NRXN1: variants seen among roughly 807,000 people sequenced by gnomAD.
The protein encoded by NRXN1 is neurexin-1.
A neutral mutation model predicts 150.9 loss-of-function variants in NRXN1; 39 were observed. The ratio of observed to expected loss-of-function variants is 0.26; its 90% CI spans 0.20 to 0.34. The LOEUF is 0.34. Among genes scored for constraint, NRXN1 ranks in the 10% least tolerant of loss-of-function variants. NRXN1 has a pLI of 1.00. For synonymous variants in NRXN1, 924 were observed against 757.0 expected (o/e 1.22, Z -3.62); for missense variants, 1,815 against 1,949.9 (o/e 0.93, Z 1.30).
chr2:50,220,015 A>ATTTATATATAT (rs2063763366), intron 18 of NRXN1, among the ~76,000 whole-genome samples: 1 of 114,486 alleles, frequency 8.7e-6, no homozygotes, highest in African/African-American at 3.5e-5. Flanking sequence ...ATAATATATT[A>ATTTATATATAT]TATATATATA....
chr2:50,588,031 T>C (rs1006416827), intron 8 of NRXN1, among the ~76,000 whole-genome samples: 5 of 152,318 alleles, frequency 3.3e-5, no homozygotes, highest in Admixed American at 3.3e-4. Context: ...AGGCATTTTA[T>C]CTGTTAGCTA....
chr2:50,557,079 T>C (rs998012475), intron 8 of NRXN1, among the ~76,000 whole-genome samples: 1 of 152,196 alleles, frequency 6.6e-6, no homozygotes, highest in Non-Finnish European at 1.5e-5. Context: ...GAGTGTTCAC[T>C]GCATCTTCTC....
chr2:50,859,173 A>T (rs1675722191), intron 5 of NRXN1, among the ~76,000 whole-genome samples: 1 of 151,780 alleles, frequency 6.6e-6, no homozygotes, highest in Admixed American at 6.6e-5. Context: ...GGCTTGTCTC[A>T]CAAGTGCAAT....
intron 17 of NRXN1, among the ~76,000 whole-genome samples, chr2:50,399,777 C>A: frequency 1.2e-5 from 1 of 83,956 alleles, no homozygotes; most frequent in African/African-American, 4.4e-5. Flanking sequence ...AGCTCTGTAA[C>A]GAGAGAACTG....
At chr2:50,508,196 A>G (rs1206766627) in intron 12 of NRXN1, among the ~76,000 whole-genome samples, 3 of 152,194 alleles carry the variant, frequency 2.0e-5, no homozygotes, top group Non-Finnish European at 2.9e-5. Context: ...GAAATGAGCC[A>G]GTGATATGAG....
chr2:50,147,824 C>T (rs543487800), intron 18 of NRXN1, among the ~76,000 whole-genome samples: 1 of 151,690 alleles, frequency 6.6e-6, no homozygotes, highest in Non-Finnish European at 1.5e-5. Flanking sequence ...AGCTAGAAAT[C>T]CCATGGTGTC....
intron 8 of NRXN1, 88 bp from the exon 9 acceptor site, chr2:50,553,113 C>A: frequency 1.1e-6 from 1 of 890,904 alleles, no homozygotes; most frequent in Non-Finnish European, 1.7e-6. Context: ...TCAACGACAT[C>A]ATAAAAAGGC....
chr2:50,557,629 T>C (rs1035532902), intron 8 of NRXN1, among the ~76,000 whole-genome samples: 5 of 152,220 alleles, frequency 3.3e-5, no homozygotes, highest in African/African-American at 9.7e-5. Flanking sequence ...TTAAGGTTAC[T>C]GTAAATAATA....
chr2:49,925,151 G>A (rs1265382644), intron 22 of NRXN1, among the ~76,000 whole-genome samples: 5 of 151,918 alleles, frequency 3.3e-5, no homozygotes, highest in Admixed American at 3.3e-4. Flanking sequence ...ATGGTGGCAT[G>A]CACCTGTAGT....
intron 17 of NRXN1, among the ~76,000 whole-genome samples, chr2:50,462,751 A>G (rs1403718928): frequency 1.3e-5 from 2 of 151,824 alleles, no homozygotes; most frequent in African/African-American, 4.8e-5. Context: ...TTTCAGTTCA[A>G]TTAATTAGTA....
chr2:50,160,027 T>A, intron 18 of NRXN1, among the ~76,000 whole-genome samples: 1 of 152,148 alleles, frequency 6.6e-6, no homozygotes, highest in East Asian at 1.9e-4. Flanking sequence ...TGTGAGGAAG[T>A]ATGCAGGGCT....
At chr2:50,950,788 T>G (rs1250770495) in intron 2 of NRXN1, among the ~76,000 whole-genome samples, 2 of 152,220 alleles carry the variant, frequency 1.3e-5, no homozygotes, top group Non-Finnish European at 2.9e-5. Flanking sequence ...CTAATAACTT[T>G]TTACAAAGAT....
chr2:50,089,861 G>A (rs940633866), intron 19 of NRXN1, among the ~76,000 whole-genome samples: 8 of 152,128 alleles, frequency 5.3e-5, no homozygotes, highest in Admixed American at 4.6e-4. Flanking sequence ...TTCAGATAAT[G>A]CAATAATCTG....
chr2:50,000,749 T>G (rs1683781459), intron 21 of NRXN1, among the ~76,000 whole-genome samples: 1 of 152,168 alleles, frequency 6.6e-6, no homozygotes, highest in Non-Finnish European at 1.5e-5. Context: ...TGGATCTGCC[T>G]TTCCTGACTC....
chr2:50,276,300 G>T (rs1450122040), intron 17 of NRXN1, among the ~76,000 whole-genome samples: 1 of 152,114 alleles, frequency 6.6e-6, no homozygotes. Context: ...CATTGTGCTT[G>T]CTGTCTCTTT....
intron 5 of NRXN1, among the ~76,000 whole-genome samples, chr2:50,872,458 T>G (rs539477287): frequency 7.2e-5 from 11 of 151,760 alleles, no homozygotes; most frequent in African/African-American, 2.4e-4. Flanking sequence ...ATTTAGGGTC[T>G]AAGGCATACC....
chr2:50,535,410 G>C (rs1573444407), intron 10 of NRXN1, among the ~76,000 whole-genome samples: 1 of 152,208 alleles, frequency 6.6e-6, no homozygotes, highest in African/African-American at 2.4e-5. Context: ...CCTGTGCTCA[G>C]TTTTGCCGAA....
intron 5 of NRXN1, among the ~76,000 whole-genome samples, chr2:50,699,919 A>G (rs1029529749): frequency 6.6e-6 from 1 of 152,182 alleles, no homozygotes; most frequent in African/African-American, 2.4e-5. Flanking sequence ...GCAGACACAC[A>G]AAACCACCAA....
At chr2:50,558,538 T>C (rs967139333) in intron 8 of NRXN1, among the ~76,000 whole-genome samples, 1 of 152,202 alleles carries the variant, frequency 6.6e-6, no homozygotes, top group Non-Finnish European at 1.5e-5. Flanking sequence ...GAGGAATTTA[T>C]TGTGTATCTA....
Sources: gnomAD v4.1 joint callset for allele counts (sites outside exome capture counted in the v4.1 genomes callset) on GRCh38, gnomAD v4.1.1 for gene constraint, MANE v1.5 for transcripts, NCBI Gene and HGNC (gene_info 2026-07-23, HGNC 2026-07-21) for gene names.